Variants in DGCR2 observed in about 807,000 individuals in gnomAD.
DGCR2 encodes the protein integral membrane protein DGCR2/IDD.
DGCR2 carries 24 observed loss-of-function variants against 51.6 expected under a neutral mutation model. The ratio of observed to expected loss-of-function variants is 0.47; its 90% CI spans 0.34 to 0.65. DGCR2 has a LOEUF of 0.65. Among genes scored for constraint, DGCR2 ranks in the 30% least tolerant of loss-of-function variants. The pLI is 0.01. For missense variants in DGCR2, 765 were observed against 772.1 expected (o/e 0.99, Z 0.11); for synonymous variants, 340 against 315.4 (o/e 1.08, Z -0.82).
intron 7 of DGCR2, chr22:19,047,005 G>C (rs1054245384): frequency 6.4e-6 from 1 of 156,048 alleles, no homozygotes; most frequent in African/African-American, 2.4e-5. Context: ...TTTGACTCTT[G>C]TAGCCAGTCA....
intron 1 of DGCR2, among the ~76,000 whole-genome samples, chr22:19,111,456 C>T (rs1443454320): frequency 6.6e-6 from 1 of 152,182 alleles, no homozygotes; most frequent in African/African-American, 2.4e-5. Context: ...CTCAGGATAG[C>T]AGTCCTGAGT....
intron 1 of DGCR2, among the ~76,000 whole-genome samples, chr22:19,092,399 G>A (rs777338624): frequency 6.6e-6 from 1 of 151,816 alleles, no homozygotes; most frequent in Non-Finnish European, 1.5e-5. Flanking sequence ...GGATTCCAGA[G>A]AAAGTATAAA....
In DGCR2 at chr22:19,036,384, T is replaced by A. The variant is rs2082368797; in HGVS notation, c.*2481A>T. 6.6e-6 allele frequency: 1 copy of A among 152,366 alleles called. No individual in the cohort carries two copies. Among genetic ancestry groups the A allele is most frequent in the African/African-American group, 2.4e-5 (1 of 41,396 alleles). 9.4% of individuals were successfully genotyped at this position (152,366 alleles called of 1,614,324 possible). On this transcript the variant is annotated 3_prime_UTR_variant, in exon 10 of 10. Coordinates refer to ENST00000263196, the MANE Select transcript of DGCR2 (RefSeq NM_005137.3). ...CCAACCAAAAACTAAAAACCCTTAA[T>A]GAAAACATAAAAAAACAGGCATCAA... is the stretch of plus-strand genomic sequence containing the variant.
At chr22:19,051,691 G>A (rs1473646401) in intron 6 of DGCR2, among the ~76,000 whole-genome samples, 6 of 152,314 alleles carry the variant, frequency 3.9e-5, no homozygotes, top group East Asian at 1.9e-4. Context: ...GCACCACTGC[G>A]TTTGAGCCTG....
intron 2 of DGCR2, among the ~76,000 whole-genome samples, chr22:19,078,285 A>G (rs1028632809): frequency 7.2e-5 from 11 of 152,256 alleles, no homozygotes; most frequent in African/African-American, 2.7e-4. Flanking sequence ...TAAATCTGTT[A>G]TAAGTTGAGG....
chr22:19,078,701 ATCCTTGCATTACAT>A (rs1283190695), intron 2 of DGCR2, among the ~76,000 whole-genome samples: 4 of 152,234 alleles, frequency 2.6e-5, no homozygotes, highest in Admixed American at 1.3e-4. Context: ...TTGCTGAGAC[ATCCTTGCATTACAT>A]TTGGTCCAAG....
chr22:19,108,705 G>A (rs745469150), intron 1 of DGCR2, among the ~76,000 whole-genome samples: 2 of 151,734 alleles, frequency 1.3e-5, no homozygotes, highest in Non-Finnish European at 2.9e-5. Flanking sequence ...ACAATTCAAT[G>A]GAGAAGGTAT....
intron 7 of DGCR2, chr22:19,046,855 A>G (rs2082495671): frequency 3.4e-6 from 1 of 293,194 alleles, no homozygotes. Flanking sequence ...CAGGCTCTTT[A>G]GGCCATACAT....
At chr22:19,064,727 G>T in intron 4 of DGCR2, 121 bp downstream of exon 4, 1 of 964,244 alleles carries the variant, frequency 1.0e-6, no homozygotes, top group Non-Finnish European at 1.6e-6. Context: ...GGCGAGGCTG[G>T]TCTTCCCAAC....
chr22:19,098,440 A>G (rs1394717620), intron 1 of DGCR2, among the ~76,000 whole-genome samples: 2 of 152,190 alleles, frequency 1.3e-5, no homozygotes, highest in Non-Finnish European at 2.9e-5. Flanking sequence ...CCGTGGAGCT[A>G]AAGCAGCTGC....
chr22:19,062,541 C>G (rs999112056), intron 5 of DGCR2, among the ~76,000 whole-genome samples: 5 of 152,062 alleles, frequency 3.3e-5, no homozygotes, highest in African/African-American at 9.7e-5. Flanking sequence ...AAAGTACAGC[C>G]CAACAGACAG....
chr22:19,087,802 A>C (rs2083034488), intron 2 of DGCR2, among the ~76,000 whole-genome samples: 1 of 151,160 alleles, frequency 6.6e-6, no homozygotes, highest in African/African-American at 2.4e-5. Flanking sequence ...CTTGTGCCTC[A>C]GCCTCCTGAG....
At chr22:19,050,545 A>G (rs1210463793) in intron 6 of DGCR2, among the ~76,000 whole-genome samples, 1 of 152,256 alleles carries the variant, frequency 6.6e-6, no homozygotes, top group Non-Finnish European at 1.5e-5. Flanking sequence ...AGTAAAGGCA[A>G]TCGTGATTAT....
intron 2 of DGCR2, among the ~76,000 whole-genome samples, chr22:19,072,520 T>C (rs1048701566): frequency 1.3e-5 from 2 of 152,078 alleles, no homozygotes; most frequent in African/African-American, 4.8e-5. Context: ...AAACAGGCCA[T>C]TAACATCCTC....
chr22:19,062,779 A>ATTTTCTCTCT, intron 5 of DGCR2, among the ~76,000 whole-genome samples: 1 of 127,354 alleles, frequency 7.9e-6, no homozygotes, highest in Non-Finnish European at 1.8e-5. Context: ...ATGCATGCTC[A>ATTTTCTCTCT]CTCTCTCTCT....
intron 1 of DGCR2, among the ~76,000 whole-genome samples, chr22:19,096,077 T>C (rs2083136785): frequency 6.6e-6 from 1 of 152,206 alleles, no homozygotes; most frequent in Admixed American, 6.5e-5. Flanking sequence ...ATGTCTGTCT[T>C]CCTCAGCCAC....
intron 2 of DGCR2, among the ~76,000 whole-genome samples, chr22:19,086,417 T>C (rs1226774963): frequency 6.6e-6 from 1 of 152,050 alleles, no homozygotes; most frequent in Non-Finnish European, 1.5e-5. Flanking sequence ...AGGCAGAGCT[T>C]GCAGTGAGCC....
At chr22:19,062,774 T>TTCTCTCTCTCTCTCTCTCTC (rs1569052709) in intron 5 of DGCR2, among the ~76,000 whole-genome samples, 4 of 113,872 alleles carry the variant, frequency 3.5e-5, no homozygotes, top group South Asian at 3.8e-4. Context: ...CACACATGCA[T>TTCTCTCTCTCTCTCTCTCTC]GCTCACTCTC....
At chr22:19,080,626 C>G (rs2082925397) in intron 2 of DGCR2, among the ~76,000 whole-genome samples, 2 of 152,078 alleles carry the variant, frequency 1.3e-5, no homozygotes, top group East Asian at 3.9e-4. Flanking sequence ...GCTAGAGCCC[C>G]GGAGTTCAAG....
Sources: gnomAD v4.1 joint callset for allele counts (sites outside exome capture counted in the v4.1 genomes callset) on GRCh38, gnomAD v4.1.1 for gene constraint, MANE v1.5 for transcripts, NCBI Gene and HGNC (gene_info 2026-07-23, HGNC 2026-07-21) for gene names.